Variants in DISP2 observed in about 807,000 individuals in gnomAD.
DISP2 encodes protein dispatched homolog 2.
In DISP2, 59 loss-of-function variants were observed where a neutral mutation model predicts 95.5. The observed-to-expected ratio is 0.62, with a 90% CI of 0.50 to 0.77. DISP2 has a LOEUF of 0.77. DISP2 is among the 30% of genes least tolerant of loss of function. DISP2 has a pLI of 0.00. For synonymous variants in DISP2, 827 were observed against 815.0 expected, an observed-to-expected ratio of 1.01 and a Z score of -0.25; for missense variants, 1,752 against 1,854.6, an observed-to-expected ratio of 0.94 and a Z score of 1.02.
rs1248200896 is a variant in DISP2 at position 40,358,457 on chromosome 15, C to G, written c.119+17C>G. The G allele has an allele frequency of 1.6e-6, 2 of 1,289,282 alleles. No individual in the cohort carries two copies. The highest frequency in any genetic ancestry group is 2.0e-6 in the Non-Finnish European group (2 of 1,016,326). 79.9% of individuals were successfully genotyped at this position (1,289,282 alleles called of 1,614,324 possible). On this transcript the variant is annotated intron_variant, in intron 1 of 7. Coordinates refer to ENST00000267889, the MANE Select transcript of DISP2 (RefSeq NM_033510.3). ...CCCGGACAGGTAGGGCGGACAGCTC[C>G]GCAGATCCGTATCACAGACCCTCCC...
Position 40,374,014 on chromosome 15 carries a change from A to AAAAAAAAAAAAAAAAAAT in DISP2, c.*3697_*3698insAAAAAAAAAAAAAAAATA. 3 of 104,192 alleles carry AAAAAAAAAAAAAAAAAAT rather than the reference A, an allele frequency of 2.9e-5. No individual in the cohort carries two copies. Among genetic ancestry groups the AAAAAAAAAAAAAAAAAAT allele is most frequent in the Non-Finnish European group, 3.9e-5 (2 of 51,300 alleles). The allele number at this position is 104,192 out of a possible 1,614,324, so 6.5% of individuals were successfully genotyped here. ...GCGAGACTCCATCTTAAAAAAAAAA[A>AAAAAAAAAAAAAAAAAAT]ATATATATATATATATATGTAAACT... On this transcript the variant is annotated 3_prime_UTR_variant, in exon 8 of 8. Transcript: ENST00000267889.
chr15:40,362,857 T>C (rs918055337), intron 1 of DISP2, among the ~76,000 whole-genome samples: 5 of 152,176 alleles, frequency 3.3e-5, no homozygotes, highest in African/African-American at 2.4e-5. Flanking sequence ...ATAATCTGTC[T>C]GGCAAGAGAA....
At chr15:40,362,354 G>A (rs2141259202) in intron 1 of DISP2, among the ~76,000 whole-genome samples, 1 of 152,292 alleles carries the variant, frequency 6.6e-6, no homozygotes, top group South Asian at 2.1e-4. Context: ...CATTCAACAT[G>A]TTGGTCTGTT....
At chr15:40,359,595 G>A (rs1889375258) in intron 1 of DISP2, among the ~76,000 whole-genome samples, 2 of 152,232 alleles carry the variant, frequency 1.3e-5, no homozygotes, top group African/African-American at 4.8e-5. Flanking sequence ...GAAGGGGCAG[G>A]AGAGTCATTT....
chr15:40,369,644 A>T lies in DISP2; in HGVS notation c.3532A>T (p.Thr1178Ser), dbSNP rs1889597433. 2 of 1,611,974 alleles carry T rather than the reference A, an allele frequency of 1.2e-6. No homozygotes were observed. The highest frequency in any genetic ancestry group is 1.7e-6 in the Non-Finnish European group (2 of 1,179,980). The change falls in exon 8 of 8, where the codon ACC (threonine) becomes TCC (serine). Residue 1178 changes from threonine (T) to serine (S), a missense_variant. Around this residue, in one of 5 missense-constraint regions of DISP2, gnomAD observed 347 missense variants for 344.2 expected, o/e 1.01. Transcript: ENST00000267889. ...LARRRSPSFDTSTATSKLSHR... is the reference protein window; with the variant it reads ...LARRRSPSFDSSTATSKLSHR... ...ACGGCGTCGGAGCCCCAGCTTTGAC[A>T]CCAGCACAGCCACCAGCAAGCTGTC...
rs79358468 is a variant in DISP2 at position 40,369,943 on chromosome 15, T to G, written c.3831T>G (p.Asp1277Glu). 1.2e-6 allele frequency: 2 copies of G among 1,604,058 alleles called. No homozygotes were observed. The highest frequency in any genetic ancestry group is 2.7e-5 in the African/African-American group (2 of 74,850). ...ACTCTCCTAAGGCCAAGGCTGCAGA[T>G]CCTCCTGATGGCTTCTGTTCCTCAG... ...PAHSPKAKAADPPDGFCSSAS... is the reference protein window; with the variant it reads ...PAHSPKAKAAEPPDGFCSSAS... The change falls in exon 8 of 8, where the codon GAT (aspartate) becomes GAG (glutamate). Residue 1277 changes from aspartate (D) to glutamate (E), a missense_variant. Physicochemically the swap from Asp to Glu is conservative, Grantham distance 45 (BLOSUM62 2). Coordinates refer to ENST00000267889, the MANE Select transcript of DISP2 (RefSeq NM_033510.3).
intron 2 of DISP2, 126 bp downstream of exon 2, chr15:40,364,080 G>A: frequency 1.3e-6 from 2 of 1,486,426 alleles, no homozygotes; most frequent in South Asian, 1.2e-5. Flanking sequence ...GGAAGTAAGG[G>A]TTGGAACTTG....
At chr15:40,362,528 T>C (rs1187265344) in intron 1 of DISP2, among the ~76,000 whole-genome samples, 2 of 152,106 alleles carry the variant, frequency 1.3e-5, no homozygotes, top group African/African-American at 4.8e-5. Context: ...GATGAACAAA[T>C]GCAACAGACC....
At position 40,378,321 on chromosome 15, in the gene DISP2, G is replaced by A. The variant is rs575365910; in HGVS notation, c.*8003G>A. ...AAAACTAAAATGTCTGAGATGATGG[G>A]GTGGGTGGGGTAGGCAGAAAGAGGA... is the stretch of plus-strand genomic sequence containing the variant. On this transcript the variant is annotated 3_prime_UTR_variant, in exon 8 of 8. Coordinates refer to ENST00000267889, the MANE Select transcript of DISP2 (RefSeq NM_033510.3). 2.0e-5 allele frequency: 3 copies of A among 152,294 alleles called. No individual in the cohort carries two copies. Among genetic ancestry groups the A allele is most frequent in the South Asian group, 4.2e-4 (2 of 4,816 alleles). 9.4% of individuals were successfully genotyped at this position (152,294 alleles called of 1,614,324 possible).
chr15:40,358,592 G>A (rs1889358503), intron 1 of DISP2, 152 bp downstream of exon 1: 2 of 487,192 alleles, frequency 4.1e-6, no homozygotes, highest in African/African-American at 2.1e-5. Flanking sequence ...GGCCCCCCTC[G>A]CCACGCCCTC....
At chr15:40,362,342 A>G (rs1227312554) in intron 1 of DISP2, among the ~76,000 whole-genome samples, 1 of 152,248 alleles carries the variant, frequency 6.6e-6, no homozygotes, top group Non-Finnish European at 1.5e-5. Flanking sequence ...CTCCACTCAC[A>G]GCATTCAACA....
rs1184522415 is a variant in DISP2, at chr15:40,374,204, A to C, written c.*3886A>C. ...GATATGCGGGCAATATTCCAGCTTG[A>C]GACAATTTTTTTTTTTTTTTTTTGA... On this transcript the variant is annotated 3_prime_UTR_variant, in exon 8 of 8. Transcript: ENST00000267889. The C allele has an allele frequency of 1.4e-5, 2 of 146,902 alleles. No individual in the cohort carries two copies. The highest frequency in any genetic ancestry group is 3.0e-5 in the Non-Finnish European group (2 of 67,228). The allele number at this position is 146,902 out of a possible 1,614,324, so 9.1% of individuals were successfully genotyped here.
chr15:40,368,863 C>A lies in DISP2; in HGVS notation c.2751C>A (p.Tyr917Ter). ...CCAACTTCCGGAACAGTCCGGACTA[C>A]AACCAGACCCAGCTCTTCTACAATG... ...FQTNFRNSPDYNQTQLFYNEV... is the reference protein window; with the variant it reads ...FQTNFRNSPD Residue 917 changes from tyrosine (Y) to a stop codon, truncating the protein, a stop_gained, in exon 8 of 8, where the codon TAC (tyrosine) becomes TAA (stop). Coordinates refer to ENST00000267889, the MANE Select transcript of DISP2 (RefSeq NM_033510.3). LOFTEE classifies it high-confidence loss of function. The A allele has an allele frequency of 6.2e-7, 1 of 1,614,048 alleles. No individual in the cohort carries two copies. The highest frequency in any genetic ancestry group is 8.5e-7 in the Non-Finnish European group (1 of 1,180,054).
At position 40,367,335 on chromosome 15, in the gene DISP2, T is replaced by A. The variant is rs1182546288; in HGVS notation, c.1223T>A (p.Ile408Asn). 1 of 1,613,538 alleles carries A rather than the reference T, an allele frequency of 6.2e-7. No individual in the cohort carries two copies. ...VPTKCSQSSA[I>N]YQLLHFLLDR... is the part of the protein sequence containing the mutation. ...ACCAAGTGCTCCCAGAGTAGTGCCA[T>A]CTACCAACTCCTGCACTTTCTGCTT... The change falls in exon 8 of 8, where the codon ATC becomes AAC. Residue 408 changes from isoleucine to asparagine, a missense_variant. Physicochemically the swap from Ile to Asn is moderately radical, Grantham distance 149 (BLOSUM62 -3). This residue lies in a region of DISP2 where 732 missense variants were observed against 714.6 expected (regional missense o/e 1.02). Coordinates refer to ENST00000267889, the MANE Select transcript of DISP2 (RefSeq NM_033510.3).
Position 40,370,495 on chromosome 15 carries a change from C to A in DISP2, c.*177C>A. On this transcript the variant is annotated 3_prime_UTR_variant, in exon 8 of 8. Coordinates refer to ENST00000267889, the MANE Select transcript of DISP2 (RefSeq NM_033510.3). ...CAGCCTTGATCTGTCTGCTCCTACT[C>A]CTCACATCTGGAGGATTCCAGCAGG... 1.7e-6 allele frequency: 2 copies of A among 1,162,878 alleles called. No homozygotes were observed. Among genetic ancestry groups the A allele is most frequent in the Non-Finnish European group, 2.4e-6 (2 of 817,048 alleles). 72.0% of individuals were successfully genotyped at this position (1,162,878 alleles called of 1,614,324 possible).
In DISP2 at chr15:40,374,014, A is replaced by AAAAAAAAAAAAATATATATATATATAT; in HGVS notation, c.*3697_*3698insAAAAAAAAAAATATATATATATATATA. On this transcript the variant is annotated 3_prime_UTR_variant, in exon 8 of 8. Coordinates refer to ENST00000267889, the MANE Select transcript of DISP2 (RefSeq NM_033510.3). ...GCGAGACTCCATCTTAAAAAAAAAA[A>AAAAAAAAAAAAATATATATATATATAT]ATATATATATATATATATGTAAACT... The AAAAAAAAAAAAATATATATATATATAT allele has an allele frequency of 3.8e-5, 4 of 104,192 alleles. No homozygotes were observed. Among genetic ancestry groups the AAAAAAAAAAAAATATATATATATATAT allele is most frequent in the Non-Finnish European group, 5.8e-5 (3 of 51,298 alleles). 6.5% of individuals were successfully genotyped at this position (104,192 alleles called of 1,614,324 possible). A position where few individuals can be genotyped will look rare whatever the true frequency, so the allele number is the denominator to read the frequency against.
Position 40,368,252 on chromosome 15 carries a change from G to A in DISP2, c.2140G>A (p.Ala714Thr). The A allele has an allele frequency of 3.1e-6, 5 of 1,609,830 alleles. No individual in the cohort carries two copies. Among genetic ancestry groups the A allele is most frequent in the South Asian group, 2.2e-5 (2 of 91,028 alleles). The change falls in exon 8 of 8, where the codon GCG (alanine) becomes ACG (threonine). Residue 714 changes from alanine to threonine, a missense_variant. By Grantham distance (58) the Ala-to-Thr change is moderately conservative. Transcript: ENST00000267889. ...CTGGATCTGCTGGTTCGCAGCACTG[G>A]CGGCAGGGGGCGCCTACATCGCCGG... ...YIWICWFAAL[A>T]AGGAYIAGVS...
chr15:40,368,466 A>C lies in DISP2; in HGVS notation c.2354A>C (p.Asp785Ala). Residue 785 changes from aspartate (D) to alanine (A), a missense_variant, in exon 8 of 8, where the codon GAC becomes GCC. Asp to Ala is a moderately radical substitution (Grantham distance 126). Transcript: ENST00000267889. ...VWGVLPVDTG[D>A]PLDPRSNSSL... ...GGCGTCCTGCCTGTGGACACTGGCG[A>C]CCCTCTGGACCCTCGTAGCAACAGC... is the stretch of plus-strand genomic sequence containing the variant. 1 of 1,608,374 alleles carries C rather than the reference A, an allele frequency of 6.2e-7. No homozygotes were observed. Among genetic ancestry groups the C allele is most frequent in the Non-Finnish European group, 8.5e-7 (1 of 1,179,608 alleles).
chr15:40,360,043 T>A (rs1009420614), intron 1 of DISP2, among the ~76,000 whole-genome samples: 3 of 152,254 alleles, frequency 2.0e-5, no homozygotes, highest in Non-Finnish European at 2.9e-5. Flanking sequence ...GCGATATACA[T>A]TTGCCCCTTA....
Sources: allele counts gnomAD v4.1 joint callset (sites outside exome capture counted in the v4.1 genomes callset), GRCh38; gene constraint gnomAD v4.1.1; regional missense constraint gnomAD v4.1.1; transcripts MANE v1.5; gene names NCBI Gene and HGNC (gene_info 2026-07-23, HGNC 2026-07-21).